SSX2IP: variants seen among roughly 807,000 people sequenced by gnomAD.
SSX2IP encodes SSX family member 2 interacting protein.
SSX2IP carries 55 observed loss-of-function variants against 84.9 expected under a neutral mutation model. The ratio of observed to expected loss-of-function variants is 0.65; its 90% CI spans 0.52 to 0.81. The LOEUF (loss-of-function observed/expected upper bound fraction) is 0.81. Ranked by LOEUF, SSX2IP falls within the 30% of genes least tolerant of loss-of-function variation. The probability of loss-of-function intolerance (pLI) is 0.00; values close to 1 mark genes in which losing one functional copy is unlikely to be tolerated. For missense variants in SSX2IP, 664 were observed against 705.2 expected, an observed-to-expected ratio of 0.94 and a Z score of 0.66; for synonymous variants, 239 against 234.7, an observed-to-expected ratio of 1.02 and a Z score of -0.17.
At chr1:84,650,628 G>A in intron 12 of SSX2IP, 101 bp from the exon 13 acceptor site, 1 of 1,164,512 alleles carries the variant, frequency 8.6e-7, no homozygotes. Context: ...TTCTGAGTGA[G>A]GAAAGAGATG....
chr1:84,658,076 C>T, intron 9 of SSX2IP: 1 of 378,622 alleles, frequency 2.6e-6, no homozygotes, highest in Non-Finnish European at 4.7e-6. Context: ...GCGGAGGTTA[C>T]AGTGAGCCGA....
Position 84,662,243 on chromosome 1 carries a change from G to C in SSX2IP, c.882C>G (p.Pro294=). The change falls in exon 8 of 14, where the codon CCC becomes CCG. Residue 294 remains proline, a synonymous_variant. Transcript: ENST00000342203. ...MKKEMISLLS[P]QKKKPRERVD... is the part of the protein sequence containing the mutation. ...CTCTTTCTCTAGGTTTCTTCTTTTG[G>C]GGAGAAAGAAGAGAAATCATTTCCT... 1.2e-6 allele frequency: 2 copies of C among 1,606,234 alleles called. No homozygotes were observed. The highest frequency in any genetic ancestry group is 1.7e-6 in the Non-Finnish European group (2 of 1,177,006).
intron 13 of SSX2IP, 40 bp downstream of exon 13, chr1:84,650,322 T>C: frequency 6.2e-7 from 1 of 1,611,732 alleles, no homozygotes; most frequent in Non-Finnish European, 8.5e-7. Context: ...ACTTTAGCAA[T>C]TTTTAGAAAC....
intron 3 of SSX2IP, 138 bp downstream of exon 3, chr1:84,670,508 A>G (rs1250762493): frequency 3.6e-6 from 2 of 561,190 alleles, no homozygotes; most frequent in African/African-American, 3.9e-5. Context: ...GATAATCACC[A>G]AGGTTCTCTG....
rs1652084866 is a variant in SSX2IP at position 84,662,145 on chromosome 1, A to C, written c.927+53T>G. ...TTGAGAATGCCTACCACATATTTTAATTATTCTTATTAGCAATCTGAAGAC... is the reference window on the plus strand; with the variant it reads ...TTGAGAATGCCTACCACATATTTTACTTATTCTTATTAGCAATCTGAAGAC... On this transcript the variant is annotated intron_variant, in intron 8 of 13. Coordinates refer to ENST00000342203, the MANE Select transcript of SSX2IP (RefSeq NM_001166293.2). The C allele has an allele frequency of 4.0e-6, 5 of 1,238,242 alleles. No homozygotes were observed. In the Admixed American group the frequency reaches 1.2e-4, roughly 30 times the overall value. The allele number at this position is 1,238,242 out of a possible 1,614,324, so 76.7% of individuals were successfully genotyped here. A position where few individuals can be genotyped will look rare whatever the true frequency, so the allele number is the denominator to read the frequency against.
chr1:84,664,925 T>C (rs1291286109), intron 5 of SSX2IP, among the ~76,000 whole-genome samples: 2 of 152,174 alleles, frequency 1.3e-5, no homozygotes, highest in African/African-American at 4.8e-5. Flanking sequence ...ACTTATACTT[T>C]TTATTAATCT....
chr1:84,661,387 C>T (rs1651952350), intron 8 of SSX2IP, among the ~76,000 whole-genome samples: 1 of 151,494 alleles, frequency 6.6e-6, no homozygotes, highest in Non-Finnish European at 1.5e-5. Flanking sequence ...TATATTACTC[C>T]CATTCTCTGG....
intron 1 of SSX2IP, among the ~76,000 whole-genome samples, chr1:84,676,869 G>A (rs549576048): frequency 2.6e-5 from 4 of 151,846 alleles, no homozygotes; most frequent in African/African-American, 9.7e-5. Flanking sequence ...ATTACAGGCG[G>A]ATGCCTAGCT....
chr1:84,655,400 T>C, intron 11 of SSX2IP: 1 of 1,268,638 alleles, frequency 7.9e-7, no homozygotes, highest in Non-Finnish European at 1.0e-6. Flanking sequence ...AAAAGCAAGC[T>C]GTAGAGCGTA....
intron 13 of SSX2IP, chr1:84,650,128 T>C (rs967495323): frequency 1.6e-6 from 1 of 618,108 alleles, no homozygotes. Flanking sequence ...ACACATCATA[T>C]GATTTACCTC....
chr1:84,675,785 G>A (rs1263662880), intron 1 of SSX2IP, among the ~76,000 whole-genome samples: 2 of 152,142 alleles, frequency 1.3e-5, no homozygotes, highest in Non-Finnish European at 2.9e-5. Flanking sequence ...CCTCTCACAT[G>A]TAAATTGCGT....
At chr1:84,653,621 T>C (rs1301965841) in intron 11 of SSX2IP, among the ~76,000 whole-genome samples, 4 of 152,206 alleles carry the variant, frequency 2.6e-5, no homozygotes, top group African/African-American at 9.6e-5. Flanking sequence ...ACAATGCTGG[T>C]CAAGTGTTGT....
At chr1:84,670,573 T>C in intron 3 of SSX2IP, 73 bp downstream of exon 3, 1 of 1,118,046 alleles carries the variant, frequency 8.9e-7, no homozygotes. Flanking sequence ...TTGACAAATG[T>C]TTTTCTCATA....
intron 4 of SSX2IP, among the ~76,000 whole-genome samples, chr1:84,667,951 C>T (rs532341531): frequency 1.3e-5 from 2 of 152,264 alleles, no homozygotes; most frequent in African/African-American, 2.4e-5. Context: ...TGGGGTTTCA[C>T]TCATCTTTGA....
rs2102093817 is a variant in SSX2IP, at chr1:84,645,927, GAC to G, written c.*1504_*1505del. Reference sequence around the variant, plus strand: ...GAGTATATCCACTAATGTCTCATAAGACACTCTTAATGATATCCTATCAGCCC... The same window carrying G: ...GAGTATATCCACTAATGTCTCATAAGACTCTTAATGATATCCTATCAGCCC... On this transcript the variant is annotated 3_prime_UTR_variant, in exon 14 of 14. Coordinates refer to ENST00000342203, the MANE Select transcript of SSX2IP (RefSeq NM_001166293.2). 1 of 152,284 alleles carries G rather than the reference GAC, an allele frequency of 6.6e-6. No homozygotes were observed. Among genetic ancestry groups the G allele is most frequent in the South Asian group, 2.1e-4 (1 of 4,828 alleles). The allele number at this position is 152,284 out of a possible 1,614,324, so 9.4% of individuals were successfully genotyped here. A position where few individuals can be genotyped will look rare whatever the true frequency, so the allele number is the denominator to read the frequency against.
chr1:84,655,686 C>G (rs1650976244), intron 11 of SSX2IP, 146 bp downstream of exon 11: 2 of 1,429,074 alleles, frequency 1.4e-6, no homozygotes, highest in African/African-American at 2.9e-5. Flanking sequence ...GCTCAGCCTC[C>G]CTCTCATTTC....
intron 8 of SSX2IP, among the ~76,000 whole-genome samples, chr1:84,661,829 T>C (rs1350397286): frequency 6.6e-6 from 1 of 152,182 alleles, no homozygotes; most frequent in Non-Finnish European, 1.5e-5. Flanking sequence ...GGCTACTAAA[T>C]ATTATGCCTT....
At chr1:84,675,875 C>A (rs561118536) in intron 1 of SSX2IP, among the ~76,000 whole-genome samples, 203 of 152,286 alleles carry the variant, frequency 1.3e-3, no homozygotes, top group Middle Eastern at 3.4e-3. Flanking sequence ...GCCCCTGCCC[C>A]CCTTTCCCTT....
chr1:84,670,034 C>G lies in SSX2IP; in HGVS notation c.214-141G>C, dbSNP rs527690598. 159 of 600,144 alleles carry G rather than the reference C, an allele frequency of 2.6e-4. No individual in the cohort carries two copies. The African/African-American group carries it at 2.7e-3, about 10-fold the overall frequency. 37.2% of individuals were successfully genotyped at this position (600,144 alleles called of 1,614,324 possible). On this transcript the variant is annotated intron_variant, in intron 3 of 13. Transcript: ENST00000342203. ...GGTGACCTCAGCTAATAACTACGTA[C>G]TATATTCCTGAAATTGCTGAGCAAG... is the stretch of plus-strand genomic sequence containing the variant.
Sources: gnomAD v4.1 joint callset for allele counts (sites outside exome capture counted in the v4.1 genomes callset) on GRCh38, gnomAD v4.1.1 for gene constraint, MANE v1.5 for transcripts, NCBI Gene and HGNC (gene_info 2026-07-23, HGNC 2026-07-21) for gene names.